Variants in PCLO observed in about 807,000 individuals in gnomAD.
PCLO encodes piccolo presynaptic cytomatrix protein, also known as protein piccolo.
PCLO carries 82 observed loss-of-function variants against 427.5 expected under a neutral mutation model. The ratio of observed to expected loss-of-function variants is 0.19; its 90% confidence interval spans 0.16 to 0.23. The LOEUF (loss-of-function observed/expected upper bound fraction) is 0.23. PCLO is among the 10% of genes least tolerant of loss of function. The pLI is 1.00. For missense variants in PCLO, 6,239 were observed against 6,115.9 expected (o/e 1.02, Z -0.67); for synonymous variants, 2,357 against 2,155.4 (o/e 1.09, Z -2.59).
At chr7:82,816,936 T>A (rs1377788600) in intron 20 of PCLO, among the ~76,000 whole-genome samples, 3 of 152,182 alleles carry the variant, frequency 2.0e-5, no homozygotes, top group Non-Finnish European at 4.4e-5. Flanking sequence ...GTCAGAGTTC[T>A]ACATTTACTG....
intron 7 of PCLO, among the ~76,000 whole-genome samples, chr7:82,912,153 T>C (rs1054120613): frequency 1.2e-4 from 19 of 152,034 alleles, no homozygotes; most frequent in African/African-American, 4.6e-4. Context: ...CTAAATAACC[T>C]GTAGAATGTT....
chr7:83,074,666 T>C (rs1235131708), intron 3 of PCLO, among the ~76,000 whole-genome samples: 1 of 152,154 alleles, frequency 6.6e-6, no homozygotes, highest in Non-Finnish European at 1.5e-5. Context: ...GAAAATTAGA[T>C]GAATTGTCAC....
At chr7:82,766,456 T>G (rs1241466476) in intron 22 of PCLO, among the ~76,000 whole-genome samples, 1 of 152,040 alleles carries the variant, frequency 6.6e-6, no homozygotes, top group Non-Finnish European at 1.5e-5. Context: ...CACTCTTTCC[T>G]TTAAAGCCAT....
intron 3 of PCLO, among the ~76,000 whole-genome samples, chr7:83,081,472 A>G (rs1277216525): frequency 6.6e-6 from 1 of 151,934 alleles, no homozygotes; most frequent in African/African-American, 2.4e-5. Context: ...AATGGAAAAT[A>G]CCCAGACTAT....
At chr7:82,843,654 A>G (rs1584037524) in intron 13 of PCLO, among the ~76,000 whole-genome samples, 1 of 149,250 alleles carries the variant, frequency 6.7e-6, no homozygotes, top group Non-Finnish European at 1.5e-5. Flanking sequence ...TAGCCATTCC[A>G]CAACGTATTC....
Position 82,996,318 on chromosome 7 carries a change from G to A in PCLO, c.3301-29831C>T, listed in dbSNP as rs1302100595. ...GGCATTAATGGTTTTTTTATAAGAG[G>A]AAAACATTTATTTTAAAAATTAAAG... On this transcript the variant is annotated intron_variant, in intron 3 of 24. Coordinates refer to ENST00000333891, the MANE Select transcript of PCLO (RefSeq NM_033026.6). 4.6e-5 allele frequency among the ~76,000 whole-genome samples: 7 copies of A among 151,814 alleles called. 1 individual carries two copies. Among genetic ancestry groups the A allele is most frequent in the African/African-American group, 1.7e-4 (7 of 41,462 alleles).
chr7:82,989,314 T>C (rs1796323643), intron 3 of PCLO, among the ~76,000 whole-genome samples: 1 of 152,166 alleles, frequency 6.6e-6, no homozygotes, highest in Non-Finnish European at 1.5e-5. Flanking sequence ...CTTGAATTTC[T>C]TGAGAAATTA....
intron 22 of PCLO, among the ~76,000 whole-genome samples, chr7:82,768,253 T>A (rs1339382644): frequency 6.6e-6 from 1 of 152,024 alleles, no homozygotes; most frequent in Non-Finnish European, 1.5e-5. Context: ...CAAAAACCCG[T>A]CTTTACTAAA....
At position 82,903,046 on chromosome 7, in the gene PCLO, T is replaced by C. The variant is rs182819840; in HGVS notation, c.13438-305A>G. Among the ~76,000 whole-genome samples the C allele has an allele frequency of 3.3e-3, 506 of 152,132 alleles. 1 individual carries two copies. Among genetic ancestry groups the C allele is most frequent in the African/African-American group, 0.012 (487 of 41,552 alleles). ...TGTTTGTTACTACAGTAGTATGCAG[T>C]CAATATTGGTGACCTCGGATATAGA... On this transcript the variant is annotated intron_variant, in intron 8 of 24. Transcript: ENST00000333891.
At position 82,824,383 on chromosome 7, in the gene PCLO, C is replaced by T. The variant is rs778523313; in HGVS notation, c.14449G>A (p.Asp4817Asn). Residue 4817 changes from aspartate to asparagine, a missense_variant, in exon 19 of 25, where the codon GAT becomes AAT. Asp to Asn is a conservative substitution (Grantham distance 23). Coordinates refer to ENST00000333891, the MANE Select transcript of PCLO (RefSeq NM_033026.6). ...AGAGGATACCACCTTGGAGTGTTAT[C>T]GAGGTGAGATGTGCTAGATAAATCA... is the stretch of plus-strand genomic sequence containing the variant. ...LIDLSSTSHL[D>N]NTPRWYPLKE... The T allele has an allele frequency of 3.7e-5, 60 of 1,610,856 alleles. No individual in the cohort carries two copies. In the Admixed American group the frequency reaches 9.2e-4, roughly 25 times the overall value.
intron 3 of PCLO, among the ~76,000 whole-genome samples, chr7:83,015,928 T>C (rs1328348053): frequency 3.3e-5 from 5 of 152,146 alleles, no homozygotes; most frequent in Non-Finnish European, 7.4e-5. Context: ...AACACAACAG[T>C]TCTTCAAAGC....
intron 3 of PCLO, among the ~76,000 whole-genome samples, chr7:83,072,711 A>G (rs756585364): frequency 1.3e-5 from 2 of 152,042 alleles, no homozygotes; most frequent in African/African-American, 2.4e-5. Flanking sequence ...TCCAGATCTT[A>G]TATCTCCTGA....
chr7:82,912,801 T>C (rs1034948304), intron 7 of PCLO, among the ~76,000 whole-genome samples: 3 of 152,100 alleles, frequency 2.0e-5, no homozygotes, highest in Non-Finnish European at 4.4e-5. Context: ...TTGGGATATA[T>C]AGAAACATCT....
chr7:82,976,792 C>A (rs1796027630), intron 3 of PCLO, among the ~76,000 whole-genome samples: 1 of 152,086 alleles, frequency 6.6e-6, no homozygotes, highest in Non-Finnish European at 1.5e-5. Flanking sequence ...TGTTAATTAG[C>A]CTGATTTGAT....
chr7:82,765,306 A>G (rs944183641), intron 22 of PCLO, among the ~76,000 whole-genome samples: 1 of 151,908 alleles, frequency 6.6e-6, no homozygotes, highest in African/African-American at 2.4e-5. Flanking sequence ...AAAAAAATAA[A>G]AAATACAATT....
At chr7:82,818,772 T>C (rs1224041135) in intron 20 of PCLO, among the ~76,000 whole-genome samples, 1 of 152,182 alleles carries the variant, frequency 6.6e-6, no homozygotes, top group African/African-American at 2.4e-5. Context: ...GGGATAAGAA[T>C]ATTGAAATAA....
chr7:83,005,081 G>C (rs111464351), intron 3 of PCLO, among the ~76,000 whole-genome samples: 1 of 131,524 alleles, frequency 7.6e-6, no homozygotes, highest in Non-Finnish European at 1.6e-5. Flanking sequence ...AGTACAGACA[G>C]AGAAAACAGT....
intron 22 of PCLO, among the ~76,000 whole-genome samples, chr7:82,792,967 C>T (rs1258988242): frequency 6.6e-6 from 1 of 150,384 alleles, no homozygotes; most frequent in Non-Finnish European, 1.5e-5. Context: ...ATATGGCAAG[C>T]TTTACTTAAT....
At chr7:82,817,551 A>C (rs1791702870) in intron 20 of PCLO, among the ~76,000 whole-genome samples, 1 of 151,982 alleles carries the variant, frequency 6.6e-6, no homozygotes, top group Non-Finnish European at 1.5e-5. Context: ...ACCCACTACC[A>C]CTTGCCCAAG....
Sources: gnomAD v4.1 joint callset for allele counts (sites outside exome capture counted in the v4.1 genomes callset) on GRCh38, gnomAD v4.1.1 for gene constraint, MANE v1.5 for transcripts, NCBI Gene and HGNC (gene_info 2026-07-23, HGNC 2026-07-21) for gene names.